ARID1B: variants seen among roughly 807,000 people sequenced by gnomAD.
The protein encoded by ARID1B is AT-rich interaction domain 1B.
In ARID1B, 30 loss-of-function variants were observed where a neutral mutation model predicts 212.3. The ratio of observed to expected loss-of-function variants is 0.14; its 90% CI spans 0.11 to 0.19. ARID1B has a LOEUF of 0.19. Ranked by LOEUF, ARID1B falls within the 10% of genes least tolerant of loss-of-function variation. The probability of loss-of-function intolerance (pLI) is 1.00; values close to 1 mark genes in which losing one functional copy is unlikely to be tolerated. For missense variants in ARID1B, 2,891 were observed against 3,204.0 expected (o/e 0.90, Z 2.36); for synonymous variants, 1,402 against 1,301.7 (o/e 1.08, Z -1.66).
chr6:156,809,944 G>T (rs1228437016), intron 1 of ARID1B, among the ~76,000 whole-genome samples: 1 of 152,154 alleles, frequency 6.6e-6, no homozygotes, highest in Admixed American at 6.5e-5. Context: ...CTCTGAACTT[G>T]AGGATTTAAG....
intron 6 of ARID1B, among the ~76,000 whole-genome samples, chr6:157,123,965 T>C (rs774425811): frequency 6.6e-6 from 1 of 152,246 alleles, no homozygotes; most frequent in Non-Finnish European, 1.5e-5. Flanking sequence ...CCCTCACTCC[T>C]CACAGCTTCG....
intron 2 of ARID1B, among the ~76,000 whole-genome samples, chr6:156,862,196 A>G (rs755521937): frequency 6.6e-6 from 1 of 152,166 alleles, no homozygotes; most frequent in African/African-American, 2.4e-5. Flanking sequence ...GTCTACAGTT[A>G]CTGTGTGGCT....
chr6:156,824,771 C>T (rs868530742), intron 1 of ARID1B, among the ~76,000 whole-genome samples: 1 of 148,470 alleles, frequency 6.7e-6, no homozygotes, highest in Non-Finnish European at 1.5e-5. Flanking sequence ...TCTCAGAAAA[C>T]AAAACAAAAC....
chr6:157,064,810 C>T (rs751601587), intron 4 of ARID1B, among the ~76,000 whole-genome samples: 2 of 152,186 alleles, frequency 1.3e-5, no homozygotes, highest in African/African-American at 4.8e-5. Flanking sequence ...CCTTGGCCTG[C>T]CCCCTGCCCT....
chr6:157,046,086 T>C (rs963212905), intron 4 of ARID1B, among the ~76,000 whole-genome samples: 1 of 152,230 alleles, frequency 6.6e-6, no homozygotes, highest in Non-Finnish European at 1.5e-5. Context: ...TAAAACAAAT[T>C]TGCTTTATTT....
chr6:156,966,488 G>C (rs1794771339), intron 4 of ARID1B, among the ~76,000 whole-genome samples: 1 of 149,210 alleles, frequency 6.7e-6, no homozygotes, highest in Non-Finnish European at 1.5e-5. Context: ...CCGCCTCCCG[G>C]GTTCAAGTGA....
chr6:157,151,948 C>A (rs150366582), intron 8 of ARID1B: 259 of 152,266 alleles, frequency 1.7e-3, no homozygotes, highest in African/African-American at 6.0e-3. Flanking sequence ...GTAAACATGG[C>A]CCTAAATGTG....
chr6:156,861,990 C>G (rs574781932), intron 2 of ARID1B, among the ~76,000 whole-genome samples: 1 of 152,250 alleles, frequency 6.6e-6, no homozygotes, highest in South Asian at 2.1e-4. Flanking sequence ...CAGTGTGCAG[C>G]GTGGGCATCC....
At chr6:157,166,795 A>G (rs1010769148) in intron 8 of ARID1B, 4 of 401,792 alleles carry the variant, frequency 1.0e-5, no homozygotes, top group Admixed American at 4.4e-5. Flanking sequence ...GGAACACTTG[A>G]CATGATTAAA....
At position 157,153,938 on chromosome 6, in the gene ARID1B, C is replaced by T. The variant is rs562312312; in HGVS notation, c.3089+4987C>T. On this transcript the variant is annotated intron_variant, in intron 8 of 19. Coordinates refer to ENST00000636930, the MANE Select transcript of ARID1B (RefSeq NM_001374828.1). ...TACAGGCGTGAGCCACCACTCCTGA[C>T]CTTGTAACATTTTTTAAATGACTGA... Among the ~76,000 whole-genome samples the T allele has an allele frequency of 5.3e-5, 8 of 152,308 alleles. No homozygotes were observed. In the South Asian group the frequency reaches 1.0e-3, roughly 20 times the overall value.
intron 1 of ARID1B, among the ~76,000 whole-genome samples, chr6:156,820,452 G>A (rs557969435): frequency 6.6e-6 from 1 of 152,314 alleles, no homozygotes; most frequent in South Asian, 2.1e-4. Context: ...TTAACAGTCT[G>A]CTGGGGAGAC....
At chr6:156,860,061 T>A (rs904097095) in intron 2 of ARID1B, among the ~76,000 whole-genome samples, 1 of 152,230 alleles carries the variant, frequency 6.6e-6, no homozygotes, top group Non-Finnish European at 1.5e-5. Flanking sequence ...TCAGTCAGTT[T>A]GTTAGTGGAT....
At chr6:157,079,795 A>G (rs1031516449) in intron 4 of ARID1B, among the ~76,000 whole-genome samples, 2 of 152,194 alleles carry the variant, frequency 1.3e-5, no homozygotes, top group African/African-American at 2.4e-5. Flanking sequence ...TGTCTTTAGC[A>G]CCGCACTTGG....
intron 2 of ARID1B, among the ~76,000 whole-genome samples, chr6:156,887,080 A>G (rs940126615): frequency 1.3e-5 from 2 of 152,176 alleles, no homozygotes; most frequent in African/African-American, 4.8e-5. Context: ...ATTTATTTAT[A>G]AACCCACTCC....
Position 156,961,322 on chromosome 6 carries a change from T to C in ARID1B, c.2247+25746T>C, listed in dbSNP as rs577702657. On this transcript the variant is annotated intron_variant, in intron 4 of 19. Transcript: ENST00000636930. Reference sequence around the variant, plus strand: ...CTGTTCAAATGATATTTTGAAAATATGGTGTTATTCCACACAACTTTGAGG... The same window carrying C: ...CTGTTCAAATGATATTTTGAAAATACGGTGTTATTCCACACAACTTTGAGG... Among the ~76,000 whole-genome samples the C allele has an allele frequency of 5.3e-5, 8 of 152,374 alleles. No individual in the cohort carries two copies. The South Asian group carries it at 1.2e-3, about 24-fold the overall frequency.
chr6:156,989,835 T>C (rs1778161707), intron 4 of ARID1B, among the ~76,000 whole-genome samples: 1 of 152,178 alleles, frequency 6.6e-6, no homozygotes, highest in African/African-American at 2.4e-5. Flanking sequence ...AGATGTATGT[T>C]ACCTCCCGGG....
chr6:156,962,524 C>T (rs574718166), intron 4 of ARID1B, among the ~76,000 whole-genome samples: 2 of 152,156 alleles, frequency 1.3e-5, no homozygotes, highest in African/African-American at 2.4e-5. Context: ...GGCTGGAGTG[C>T]GGTAGCACAA....
intron 3 of ARID1B, among the ~76,000 whole-genome samples, chr6:156,934,168 A>G (rs1791968850): frequency 6.6e-6 from 1 of 152,218 alleles, no homozygotes; most frequent in Non-Finnish European, 1.5e-5. Flanking sequence ...AATATTTTCC[A>G]TTCTTTTTTT....
chr6:156,828,117 TG>T (rs1413032262), intron 1 of ARID1B, among the ~76,000 whole-genome samples: 1 of 142,304 alleles, frequency 7.0e-6, no homozygotes, highest in African/African-American at 2.6e-5. Context: ...CAGACTGGAG[TG>T]GAGTGGTGTG....
Sources: allele counts gnomAD v4.1 joint callset (sites outside exome capture counted in the v4.1 genomes callset), GRCh38; gene constraint gnomAD v4.1.1; transcripts MANE v1.5; gene names NCBI Gene and HGNC (gene_info 2026-07-23, HGNC 2026-07-21).